Variants in ARID5B observed in about 807,000 individuals in gnomAD.
ARID5B encodes AT-rich interactive domain-containing protein 5B.
In ARID5B, 13 loss-of-function variants were observed where a neutral mutation model predicts 97.2. The ratio of observed to expected loss-of-function variants is 0.13; its 90% CI spans 0.09 to 0.21. The LOEUF (loss-of-function observed/expected upper bound fraction) is 0.21. ARID5B is among the 10% of genes least tolerant of loss of function. ARID5B has a pLI of 1.00. For missense variants in ARID5B, 1,210 were observed against 1,465.3 expected (o/e 0.83, Z 2.84); for synonymous variants, 556 against 570.3 (o/e 0.97, Z 0.36).
chr10:61,979,516 A>G (rs1312443339), intron 3 of ARID5B, among the ~76,000 whole-genome samples: 1 of 152,158 alleles, frequency 6.6e-6, no homozygotes, highest in Non-Finnish European at 1.5e-5. Flanking sequence ...ACTTCTCCCC[A>G]TGACTCTTCA....
chr10:61,942,482 A>G (rs1306541439), intron 3 of ARID5B, among the ~76,000 whole-genome samples: 1 of 152,242 alleles, frequency 6.6e-6, no homozygotes, highest in Non-Finnish European at 1.5e-5. Flanking sequence ...GGAAAGGCCA[A>G]TGAATGTGTA....
intron 4 of ARID5B, among the ~76,000 whole-genome samples, chr10:62,020,264 A>G (rs1234181214): frequency 6.6e-6 from 1 of 152,178 alleles, no homozygotes; most frequent in African/African-American, 2.4e-5. Context: ...AAGAATGAAA[A>G]CACATTAATG....
intron 3 of ARID5B, among the ~76,000 whole-genome samples, chr10:61,962,416 C>T (rs766554323): frequency 6.6e-5 from 10 of 152,216 alleles, no homozygotes; most frequent in Non-Finnish European, 8.8e-5. Context: ...ATCCATACTC[C>T]TCTCCTAATC....
intron 4 of ARID5B, among the ~76,000 whole-genome samples, chr10:62,001,763 C>A (rs1839082742): frequency 6.6e-6 from 1 of 152,182 alleles, no homozygotes; most frequent in South Asian, 2.1e-4. Flanking sequence ...TTTTGGATAT[C>A]TCTCACAACT....
rs186019090 is a variant in ARID5B, at chr10:62,015,248, G to T, written c.733+14927G>T. 3.9e-5 allele frequency among the ~76,000 whole-genome samples: 6 copies of T among 152,282 alleles called. No individual in the cohort carries two copies. The East Asian group carries it at 1.2e-3, about 29-fold the overall frequency. On this transcript the variant is annotated intron_variant, in intron 4 of 9. Transcript: ENST00000279873. ...CTAGGATTTATTGAGCACCTACTATGTTCATTATCTCCTCGATTTTCACAA... is the reference window on the plus strand; with the variant it reads ...CTAGGATTTATTGAGCACCTACTATTTTCATTATCTCCTCGATTTTCACAA...
intron 4 of ARID5B, among the ~76,000 whole-genome samples, chr10:62,037,000 C>A (rs1839573605): frequency 6.6e-6 from 1 of 152,214 alleles, no homozygotes. Flanking sequence ...GTTCCAGATT[C>A]ATGTGAAAAG....
At chr10:62,051,956 A>G (rs1839796412) in intron 5 of ARID5B, among the ~76,000 whole-genome samples, 1 of 152,082 alleles carries the variant, frequency 6.6e-6, no homozygotes, top group East Asian at 1.9e-4. Flanking sequence ...TTCTGTGTTG[A>G]CAGTCTACTG....
chr10:61,931,282 T>C (rs1844205772), intron 2 of ARID5B, among the ~76,000 whole-genome samples: 1 of 152,188 alleles, frequency 6.6e-6, no homozygotes, highest in Non-Finnish European at 1.5e-5. Flanking sequence ...TATCTATTAA[T>C]TCATTTAAAA....
At chr10:61,988,936 C>CTTTTTTTTT (rs61016394) in intron 3 of ARID5B, among the ~76,000 whole-genome samples, 5 of 122,262 alleles carry the variant, frequency 4.1e-5, no homozygotes, top group Non-Finnish European at 3.2e-5. Flanking sequence ...TTTTCTTTTA[C>CTTTTTTTTT]TTTTTTTTTT....
intron 3 of ARID5B, among the ~76,000 whole-genome samples, chr10:61,980,480 T>C (rs1838762412): frequency 6.6e-6 from 1 of 152,178 alleles, no homozygotes; most frequent in Non-Finnish European, 1.5e-5. Flanking sequence ...ATAAAAAATT[T>C]CCTGTGGAAC....
At chr10:61,905,306 C>CT (rs1843691022) in intron 2 of ARID5B, among the ~76,000 whole-genome samples, 1 of 152,052 alleles carries the variant, frequency 6.6e-6, no homozygotes, top group Non-Finnish European at 1.5e-5. Context: ...ACTCAGTATG[C>CT]TTTTTTTGGT....
intron 4 of ARID5B, among the ~76,000 whole-genome samples, chr10:62,011,176 G>T (rs918519255): frequency 1.3e-5 from 2 of 152,126 alleles, no homozygotes. Context: ...ATTCAGCAGG[G>T]CACTTTCCTC....
chr10:61,931,635 C>T (rs769181582), intron 2 of ARID5B, among the ~76,000 whole-genome samples: 1 of 152,124 alleles, frequency 6.6e-6, no homozygotes, highest in Non-Finnish European at 1.5e-5. Context: ...ACTCTCAAAA[C>T]TCAAGTGTAA....
At chr10:61,942,365 T>G (rs934449076) in intron 3 of ARID5B, among the ~76,000 whole-genome samples, 1 of 152,202 alleles carries the variant, frequency 6.6e-6, no homozygotes, top group African/African-American at 2.4e-5. Flanking sequence ...AAAATCTAGA[T>G]GAGTGGTTTT....
intron 3 of ARID5B, among the ~76,000 whole-genome samples, chr10:61,998,614 G>C (rs1344822784): frequency 6.6e-6 from 1 of 152,224 alleles, no homozygotes; most frequent in African/African-American, 2.4e-5. Context: ...TAAGCATTAA[G>C]ATCATTATAA....
intron 8 of ARID5B, among the ~76,000 whole-genome samples, chr10:62,080,474 T>C (rs913068856): frequency 6.6e-6 from 1 of 152,248 alleles, no homozygotes; most frequent in Non-Finnish European, 1.5e-5. Context: ...ATGGTCATGG[T>C]CTAGCACCTG....
intron 2 of ARID5B, among the ~76,000 whole-genome samples, chr10:61,934,757 G>C (rs1844268571): frequency 6.6e-6 from 1 of 152,150 alleles, no homozygotes; most frequent in Admixed American, 6.5e-5. Context: ...GCTCACACCT[G>C]TAATCCCAGC....
intron 4 of ARID5B, among the ~76,000 whole-genome samples, chr10:62,011,005 C>G (rs1350262883): frequency 6.6e-6 from 1 of 152,132 alleles, no homozygotes; most frequent in African/African-American, 2.4e-5. Flanking sequence ...AAAGGCTCAG[C>G]CAGTATAACA....
chr10:61,937,418 T>C (rs1201245797), intron 2 of ARID5B, among the ~76,000 whole-genome samples: 1 of 152,164 alleles, frequency 6.6e-6, no homozygotes, highest in Non-Finnish European at 1.5e-5. Context: ...TATGATTAAA[T>C]GAGCTGTTTT....
Sources: gnomAD v4.1 joint callset for allele counts (sites outside exome capture counted in the v4.1 genomes callset) on GRCh38, gnomAD v4.1.1 for gene constraint, MANE v1.5 for transcripts, NCBI Gene and HGNC (gene_info 2026-07-23, HGNC 2026-07-21) for gene names.